TDRD5: variants seen among roughly 807,000 people sequenced by gnomAD.
TDRD5 encodes tudor domain containing 5.
TDRD5 carries 41 observed loss-of-function variants against 120.6 expected under a neutral mutation model. The observed-to-expected ratio is 0.34, with a 90% CI of 0.26 to 0.44. The LOEUF is 0.44. TDRD5 is among the 20% of genes least tolerant of loss of function. The pLI, the probability that TDRD5 is intolerant of heterozygous loss-of-function variation, is 1.00. For synonymous variants in TDRD5, 430 were observed against 433.7 expected (o/e 0.99, Z 0.11); for missense variants, 1,006 against 1,221.2 (o/e 0.82, Z 2.63).
chr1:179,607,016 A>G (rs1676016937), intron 4 of TDRD5, among the ~76,000 whole-genome samples: 1 of 152,140 alleles, frequency 6.6e-6, no homozygotes, highest in Non-Finnish European at 1.5e-5. Flanking sequence ...GAATCTATAA[A>G]TCAAGTTGGG....
In TDRD5 at chr1:179,592,650, G is replaced by A. The variant is rs779368895; in HGVS notation, c.35G>A (p.Arg12Gln). The change falls in exon 2 of 18, where the codon CGG becomes CAG. Residue 12 changes from arginine to glutamine, a missense_variant. By Grantham distance (43) the Arg-to-Gln change is conservative (BLOSUM62 1). Around this residue, in one of 3 missense-constraint regions of TDRD5, gnomAD observed 445 missense variants for 515.5 expected, o/e 0.86. Transcript: ENST00000444136. ...CAAGAGCGTATACAGGAATGTCTGC[G>A]GAAGGAAATAAGGTCACTTCTCATT... is the stretch of plus-strand genomic sequence containing the variant. ...SEQERIQECL[R>Q]KEIRSLLIST... 5.0e-6 allele frequency: 8 copies of A among 1,613,936 alleles called. No individual in the cohort carries two copies. Among genetic ancestry groups the A allele is most frequent in the Non-Finnish European group, 6.8e-6 (8 of 1,180,014 alleles).
At chr1:179,618,703 G>A (rs1676691075) in intron 5 of TDRD5, 21 bp downstream of exon 5, 3 of 1,501,078 alleles carry the variant, frequency 2.0e-6, no homozygotes, top group Admixed American at 2.2e-5. Flanking sequence ...TCTGTTTCTG[G>A]GAGACAATAA....
rs35053562 is a variant in TDRD5 at position 179,650,400 on chromosome 1, C to CAA, written c.1801-445_1801-444dup. On this transcript the variant is annotated intron_variant, in intron 11 of 17. Transcript: ENST00000444136. ...TGGGCAACAGAGCAAGACTCTGTCTCAAAAAAAAAAAAAAAAAAAAAAAGT... is the reference window on the plus strand; with the variant it reads ...TGGGCAACAGAGCAAGACTCTGTCTCAAAAAAAAAAAAAAAAAAAAAAAAAGT... Among the ~76,000 whole-genome samples, 341 of 90,520 alleles carry CAA rather than the reference C, an allele frequency of 3.8e-3. 1 individual carries two copies. Among genetic ancestry groups the CAA allele is most frequent in the Non-Finnish European group, 5.2e-3 (249 of 47,624 alleles). The allele number at this position is 90,520 out of a possible 152,430, so 59.4% of individuals were successfully genotyped here.
Position 179,652,036 on chromosome 1 carries a change from T to G in TDRD5, c.2002-3T>G. On this transcript the variant is annotated splice_region_variant and splice_polypyrimidine_tract_variant and intron_variant, in intron 12 of 17. Transcript: ENST00000444136. ...ACCATCCCTTTTCTTTTTTTAATCT[T>G]AGGGTTTCAGTGAGCTCAACCCTTT... 1 of 1,610,690 alleles carries G rather than the reference T, an allele frequency of 6.2e-7. No homozygotes were observed. Among genetic ancestry groups the G allele is most frequent in the Non-Finnish European group, 8.5e-7 (1 of 1,179,256 alleles).
intron 17 of TDRD5, among the ~76,000 whole-genome samples, chr1:179,678,263 C>G (rs1680241144): frequency 6.6e-6 from 1 of 152,200 alleles, no homozygotes. Context: ...CACCGTGGCT[C>G]CCTCAACAGC....
At chr1:179,652,316 C>G in intron 13 of TDRD5, 119 bp downstream of exon 13, 1 of 996,464 alleles carries the variant, frequency 1.0e-6, no homozygotes, top group Non-Finnish European at 1.4e-6. Context: ...GCACAGTGAT[C>G]TTAACAATTT....
intron 6 of TDRD5, among the ~76,000 whole-genome samples, chr1:179,628,213 TA>T (rs1677234758): frequency 6.6e-6 from 1 of 151,132 alleles, no homozygotes; most frequent in Non-Finnish European, 1.5e-5. Context: ...TTTTAAGGCA[TA>T]AATCTAAACT....
Position 179,654,300 on chromosome 1 carries a change from A to G in TDRD5, c.2260A>G (p.Ser754Gly), listed in dbSNP as rs748677047. 6.5e-7 allele frequency: 1 copy of G among 1,549,834 alleles called. No individual in the cohort carries two copies. The highest frequency in any genetic ancestry group is 8.7e-7 in the Non-Finnish European group (1 of 1,146,570). ...TGAGTCTTTGAAAACCTGTAATAAG[A>G]GCTTTGAAGAAGATCCAAAGTGGTC... ...EFESLKTCNK[S>G]FEEDPKWSNP... Residue 754 changes from serine to glycine, a missense_variant, in exon 14 of 18, where the codon AGC becomes GGC. Transcript: ENST00000444136.
intron 8 of TDRD5, 67 bp from the exon 9 acceptor site, chr1:179,635,600 T>G: frequency 7.8e-5 from 109 of 1,401,286 alleles, no homozygotes; most frequent in Non-Finnish European, 9.2e-5. Flanking sequence ...AAATGTGCTT[T>G]GAGAAACATG....
At chr1:179,630,072 TGGGTTCATGCCATTCTCC>T (rs936314735) in intron 6 of TDRD5, among the ~76,000 whole-genome samples, 11 of 151,816 alleles carry the variant, frequency 7.2e-5, no homozygotes, top group South Asian at 2.1e-4. Context: ...CTCCACCTCC[TGGGTTCATGCCATTCTCC>T]GGGTTCATGC....
chr1:179,618,854 A>AT (rs2101966899), intron 5 of TDRD5, among the ~76,000 whole-genome samples, 172 bp downstream of exon 5: 1 of 152,284 alleles, frequency 6.6e-6, no homozygotes, highest in African/African-American at 2.4e-5. Context: ...ACTCCTAAAA[A>AT]TTTTTAACAT....
chr1:179,682,086 T>G (rs1006166873), intron 17 of TDRD5, among the ~76,000 whole-genome samples: 3 of 148,686 alleles, frequency 2.0e-5, no homozygotes, highest in African/African-American at 7.5e-5. Flanking sequence ...TGTCTTATGA[T>G]TCTATCATAT....
rs372994317 is a variant in TDRD5, at chr1:179,593,871, C to T, written c.640+4C>T. On this transcript the variant is annotated splice_donor_region_variant and intron_variant, in intron 3 of 17. Coordinates refer to ENST00000444136, the MANE Select transcript of TDRD5 (RefSeq NM_001199085.3). ...AAGCCGAGAGGATGTCCAGCAGGTA[C>T]GCATGTGAGCAAATGTTGGAGCAGT... The T allele has an allele frequency of 3.5e-4, 571 of 1,608,826 alleles. 1 individual carries two copies. Among genetic ancestry groups the T allele is most frequent in the East Asian group, 6.3e-4 (28 of 44,784 alleles).
At chr1:179,650,166 C>T (rs1238499085) in intron 11 of TDRD5, among the ~76,000 whole-genome samples, 1 of 152,012 alleles carries the variant, frequency 6.6e-6, no homozygotes, top group East Asian at 1.9e-4. Context: ...CTTGGGAGGC[C>T]AAGGCAGGTG....
chr1:179,668,375 A>G (rs1488724715), intron 16 of TDRD5, among the ~76,000 whole-genome samples: 1 of 152,190 alleles, frequency 6.6e-6, no homozygotes, highest in Non-Finnish European at 1.5e-5. Flanking sequence ...GGTGTGGTAG[A>G]GCACAGAGAA....
At chr1:179,663,277 G>A in intron 15 of TDRD5, 71 bp from the exon 16 acceptor site, 2 of 1,496,578 alleles carry the variant, frequency 1.3e-6, no homozygotes, top group Non-Finnish European at 1.8e-6. Context: ...CATTTATCTT[G>A]CCCAAGTTAT....
At position 179,686,357 on chromosome 1, in the gene TDRD5, A is replaced by G. The variant is rs184389966; in HGVS notation, c.2861-4339A>G. 1.9e-3 allele frequency among the ~76,000 whole-genome samples: 295 copies of G among 152,230 alleles called. 1 individual carries two copies. The highest frequency in any genetic ancestry group is 6.3e-3 in the African/African-American group (262 of 41,532). On this transcript the variant is annotated intron_variant, in intron 17 of 17. Coordinates refer to ENST00000444136, the MANE Select transcript of TDRD5 (RefSeq NM_001199085.3). ...TGAGGAATTACGTTTATTGATTTGC[A>G]TATGTTGAACCAGCCTTGCATTCCA...
In TDRD5 at chr1:179,654,362, G is replaced by A. The variant is rs1284728675; in HGVS notation, c.2322G>A (p.Glu774=). The change falls in exon 14 of 18, where the codon GAG becomes GAA. Residue 774 remains glutamate, a splice_region_variant and synonymous_variant. Transcript: ENST00000444136. ...PEPNDLKEEN[E]DEIPTGMPCL... ...CAAACGATCTGAAGGAAGAAAATGA[G>A]GTAGGAGAAGGAAAGATAGTCTTTG... is the stretch of plus-strand genomic sequence containing the variant. 5 of 1,521,490 alleles carry A rather than the reference G, an allele frequency of 3.3e-6. No individual in the cohort carries two copies. The highest frequency in any genetic ancestry group is 4.4e-6 in the Non-Finnish European group (5 of 1,132,370). The allele number at this position is 1,521,490 out of a possible 1,614,324, so 94.2% of individuals were successfully genotyped here.
At chr1:179,642,005 C>T (rs1678074762) in intron 11 of TDRD5, among the ~76,000 whole-genome samples, 1 of 152,104 alleles carries the variant, frequency 6.6e-6, no homozygotes, top group African/African-American at 2.4e-5. Flanking sequence ...AAATTTGTGA[C>T]TCAGTTGTAG....
Sources: allele counts gnomAD v4.1 joint callset (sites outside exome capture counted in the v4.1 genomes callset), GRCh38; gene constraint gnomAD v4.1.1; regional missense constraint gnomAD v4.1.1; transcripts MANE v1.5; gene names NCBI Gene and HGNC (gene_info 2026-07-23, HGNC 2026-07-21).